TRPC3: variants seen among roughly 807,000 people sequenced by gnomAD.
The protein encoded by TRPC3 is transient receptor potential cation channel subfamily C member 3.
In TRPC3, 54 loss-of-function variants were observed where a neutral mutation model predicts 90.9. The ratio of observed to expected loss-of-function variants is 0.59; its 90% CI spans 0.48 to 0.75. The LOEUF (loss-of-function observed/expected upper bound fraction) is 0.75, where lower values mean the gene tolerates loss of function less well. Among genes scored for constraint, TRPC3 ranks in the 30% least tolerant of loss-of-function variants. The pLI, the probability that TRPC3 is intolerant of heterozygous loss-of-function variation, is 0.00. For missense variants in TRPC3, 918 were observed against 1,194.5 expected, an observed-to-expected ratio of 0.77 and a Z score of 3.41; for synonymous variants, 424 against 450.9, an observed-to-expected ratio of 0.94 and a Z score of 0.75.
At position 121,912,105 on chromosome 4, in the gene TRPC3, C is replaced by A. The variant is rs1223946214; in HGVS notation, c.1342-12G>T. The A allele has an allele frequency of 6.2e-7, 1 of 1,610,192 alleles. No individual in the cohort carries two copies. The highest frequency in any genetic ancestry group is 8.5e-7 in the Non-Finnish European group (1 of 1,177,926). On this transcript the variant is annotated splice_polypyrimidine_tract_variant and intron_variant, in intron 4 of 11. Transcript: ENST00000379645. Reference sequence around the variant, plus strand: ...AGAATTTTCCCCAGCTGTAACAAACCAAAGAGGAAAAGTTTGCTTCAGAAA... The same window carrying A: ...AGAATTTTCCCCAGCTGTAACAAACAAAAGAGGAAAAGTTTGCTTCAGAAA...
At position 121,877,921 on chromosome 4, in the gene TRPC3, A is replaced by AT. The variant is rs34376689; in HGVS notation, c.*1814dup. Reference sequence around the variant, plus strand: ...TGAATCTGCCACTTTTTCATTCAACATTTTTTCCAACCGCAAAGAAGAAAA... The same window carrying AT: ...TGAATCTGCCACTTTTTCATTCAACATTTTTTTCCAACCGCAAAGAAGAAAA... On this transcript the variant is annotated 3_prime_UTR_variant, in exon 12 of 12. Coordinates refer to ENST00000379645, the MANE Select transcript of TRPC3 (RefSeq NM_001130698.2). Among the ~76,000 whole-genome samples, 1 of 151,970 alleles carries AT rather than the reference A, an allele frequency of 6.6e-6. No homozygotes were observed. The highest frequency in any genetic ancestry group is 3.2e-3 in the Middle Eastern group (1 of 314).
intron 7 of TRPC3, among the ~76,000 whole-genome samples, chr4:121,906,285 C>T (rs1431167555): frequency 1.3e-5 from 2 of 152,098 alleles, no homozygotes; most frequent in East Asian, 3.8e-4. Flanking sequence ...TATGTCCTTT[C>T]TACTACATTG....
At chr4:121,945,069 T>G (rs186595519) in intron 1 of TRPC3, among the ~76,000 whole-genome samples, 1 of 152,324 alleles carries the variant, frequency 6.6e-6, no homozygotes, top group East Asian at 1.9e-4. Flanking sequence ...ATATTCTATA[T>G]TGTTAAATTT....
intron 2 of TRPC3, 90 bp from the exon 3 acceptor site, chr4:121,925,296 C>T: frequency 7.3e-7 from 1 of 1,368,600 alleles, no homozygotes; most frequent in South Asian, 1.5e-5. Context: ...GGTATCCCTT[C>T]TTTTGGGGGT....
intron 10 of TRPC3, among the ~76,000 whole-genome samples, chr4:121,891,397 A>G (rs375983077): frequency 2.6e-4 from 40 of 152,328 alleles, no homozygotes; most frequent in East Asian, 1.5e-3. Context: ...ATGGCAAAAA[A>G]GACTGGTGGT....
chr4:121,945,647 T>C (rs558043688), intron 1 of TRPC3, among the ~76,000 whole-genome samples: 14 of 152,236 alleles, frequency 9.2e-5, no homozygotes, highest in African/African-American at 2.2e-4. Context: ...AAAAAGTGCA[T>C]AGAAACCCTC....
rs1222313308 is a variant in TRPC3, at chr4:121,875,014, CAA to C, written c.*4720_*4721del. ...AAATGAAAAGTAAAGATAAACATTT[CAA>C]TATGTCACAACAATGTTTAAATGAA... On this transcript the variant is annotated 3_prime_UTR_variant, in exon 12 of 12. Transcript: ENST00000379645. Among the ~76,000 whole-genome samples the C allele has an allele frequency of 1.3e-5, 2 of 151,622 alleles. No individual in the cohort carries two copies. Among genetic ancestry groups the C allele is most frequent in the Non-Finnish European group, 2.9e-5 (2 of 67,950 alleles).
chr4:121,932,472 C>T lies in TRPC3; in HGVS notation c.786G>A (p.Pro262=). The T allele has an allele frequency of 1.2e-6, 2 of 1,614,186 alleles. No individual in the cohort carries two copies. Among genetic ancestry groups the T allele is most frequent in the Non-Finnish European group, 1.7e-6 (2 of 1,180,020 alleles). ...LLMKGARIER[P]HDYFCKCGDC... is the part of the protein sequence containing the mutation. The stretch of plus-strand genomic sequence containing the variant: ...CCCCGCACTTGCAGAAATAGTCGTG[C>T]GGCCGCTCGATCCTGGCACCCTTCA... Residue 262 remains proline, a synonymous_variant, in exon 2 of 12, where the codon CCG becomes CCA. Coordinates refer to ENST00000379645, the MANE Select transcript of TRPC3 (RefSeq NM_001130698.2). The surrounding 1 kb of genome is among the most constrained non-coding windows in gnomAD (Gnocchi z 7.7).
intron 9 of TRPC3, among the ~76,000 whole-genome samples, chr4:121,901,490 T>C (rs548673048): frequency 1.3e-5 from 2 of 152,358 alleles, no homozygotes; most frequent in Admixed American, 1.3e-4. Flanking sequence ...TGACCTTGCA[T>C]AAGCAAATTA....
chr4:121,935,228 T>C (rs920334644), intron 1 of TRPC3, among the ~76,000 whole-genome samples: 1 of 152,196 alleles, frequency 6.6e-6, no homozygotes, highest in Non-Finnish European at 1.5e-5. Flanking sequence ...AATTCCTTGG[T>C]TGACAAAAAT....
At chr4:121,910,102 G>C in intron 6 of TRPC3, 52 bp downstream of exon 6, 1 of 1,428,490 alleles carries the variant, frequency 7.0e-7, no homozygotes, top group African/African-American at 1.4e-5. Context: ...TCCAAAATGT[G>C]GTTCCAATAC....
At chr4:121,886,806 T>A (rs1347403037) in intron 10 of TRPC3, among the ~76,000 whole-genome samples, 1 of 152,092 alleles carries the variant, frequency 6.6e-6, no homozygotes, top group Non-Finnish European at 1.5e-5. Flanking sequence ...AAAGAAAAAA[T>A]CTGAGGCAAA....
chr4:121,885,027 T>C (rs1728064818), intron 10 of TRPC3, among the ~76,000 whole-genome samples: 1 of 152,168 alleles, frequency 6.6e-6, no homozygotes, highest in East Asian at 1.9e-4. Context: ...TGAAAGCAGC[T>C]TGAAAGGCAG....
intron 3 of TRPC3, among the ~76,000 whole-genome samples, chr4:121,921,909 G>GTT (rs1201010547): frequency 6.7e-5 from 8 of 119,602 alleles, no homozygotes; most frequent in African/African-American, 1.1e-4. Flanking sequence ...TGTTTTTTGG[G>GTT]TTTTTTTTTG....
intron 1 of TRPC3, among the ~76,000 whole-genome samples, chr4:121,933,651 T>G (rs1434885123): frequency 4.6e-5 from 7 of 152,186 alleles, no homozygotes. Flanking sequence ...ACAGGGTCTC[T>G]GTGGCCCAAG....
Position 121,932,740 on chromosome 4 carries a change from G to T in TRPC3, c.518C>A (p.Ala173Glu), listed in dbSNP as rs141601839. 4 of 1,613,770 alleles carry T rather than the reference G, an allele frequency of 2.5e-6. No individual in the cohort carries two copies. The highest frequency in any genetic ancestry group is 3.4e-6 in the Non-Finnish European group (4 of 1,179,874). Residue 173 changes from alanine to glutamate, a missense_variant, in exon 2 of 12, where the codon GCG (alanine) becomes GAG (glutamate). Ala to Glu is a moderately radical substitution (Grantham distance 107, BLOSUM62 -1). Transcript: ENST00000379645. The surrounding 1 kb of genome is among the most constrained non-coding windows in gnomAD (Gnocchi z 7.7). ...GAGCAGCAGGGCGTCGCCAATGCGC[G>T]CCAGGTTCTCCTTCTTGAGCAGCAG... ...TELLLKKENL[A>E]RIGDALLLAI...
At chr4:121,913,386 A>G (rs1455224020) in intron 4 of TRPC3, among the ~76,000 whole-genome samples, 4 of 152,214 alleles carry the variant, frequency 2.6e-5, no homozygotes, top group East Asian at 1.9e-4. Flanking sequence ...GCCTTTTTCC[A>G]TAAGATAGGT....
Position 121,877,133 on chromosome 4 carries a change from C to G in TRPC3, c.*2603G>C, listed in dbSNP as rs1471283082. On this transcript the variant is annotated 3_prime_UTR_variant, in exon 12 of 12. Transcript: ENST00000379645. ...GCTATCTTTATCCTCAAGTGAAGGA[C>G]TAATTCTGACAGCAATCCCCTCGAC... Among the ~76,000 whole-genome samples, 2 of 152,170 alleles carry G rather than the reference C, an allele frequency of 1.3e-5. No homozygotes were observed. Among genetic ancestry groups the G allele is most frequent in the Non-Finnish European group, 2.9e-5 (2 of 68,024 alleles).
intron 10 of TRPC3, among the ~76,000 whole-genome samples, chr4:121,897,924 T>C (rs551633222): frequency 1.4e-4 from 22 of 152,294 alleles, no homozygotes; most frequent in African/African-American, 5.3e-4. Context: ...AGCAGATGAA[T>C]GTATAAAAAA....
Sources: allele counts gnomAD v4.1 joint callset (sites outside exome capture counted in the v4.1 genomes callset), GRCh38; gene constraint gnomAD v4.1.1; non-coding constraint Gnocchi (gnomAD v3.1); transcripts MANE v1.5; gene names NCBI Gene and HGNC (gene_info 2026-07-23, HGNC 2026-07-21).